SMCP: variants seen among roughly 807,000 people sequenced by gnomAD.
The protein encoded by SMCP is sperm mitochondrial-associated cysteine-rich protein.
For missense variants in SMCP, 137 were observed against 137.1 expected, an observed-to-expected ratio of 1.00 and a Z score of 0.01; for synonymous variants, 41 against 46.9, an observed-to-expected ratio of 0.87 and a Z score of 0.51.
At chr1:152,884,303 C>A (rs1649143627) in intron 1 of SMCP, 100 bp from the exon 2 acceptor site, 6 of 1,052,206 alleles carry the variant, frequency 5.7e-6, no homozygotes, top group Non-Finnish European at 8.3e-6. Flanking sequence ...TGGTCTGAGT[C>A]ATTATCCTGA....
intron 1 of SMCP, among the ~76,000 whole-genome samples, chr1:152,879,222 C>G (rs73006590): frequency 1.3e-5 from 2 of 151,948 alleles, no homozygotes; most frequent in African/African-American, 2.4e-5. Flanking sequence ...TTGTTTGTTT[C>G]TTTTTATTTA....
In SMCP at chr1:152,884,627, G is replaced by A. The variant is rs1293009672; in HGVS notation, c.205G>A (p.Ala69Thr). ...CQPKPPCCIQ[A>T]RCCGLETKPE... ...GCCAAAACCCCCATGCTGCATTCAG[G>A]CCAGGTGCTGTGGTTTGGAGACCAA... The change falls in exon 2 of 2, where the codon GCC (alanine) becomes ACC (threonine). Residue 69 changes from alanine to threonine, a missense_variant. By Grantham distance (58) the Ala-to-Thr change is moderately conservative. Transcript: ENST00000368765. The A allele has an allele frequency of 6.2e-7, 1 of 1,613,974 alleles. No individual in the cohort carries two copies. The highest frequency in any genetic ancestry group is 1.7e-5 in the Admixed American group (1 of 59,994).
In SMCP at chr1:152,884,404, AC is replaced by A; in HGVS notation, c.-17del. 1 of 1,612,210 alleles carries A rather than the reference AC, an allele frequency of 6.2e-7. No individual in the cohort carries two copies. Among genetic ancestry groups the A allele is most frequent in the South Asian group, 1.1e-5 (1 of 90,972 alleles). On this transcript the variant is annotated splice_region_variant and 5_prime_UTR_variant, in exon 2 of 2. Transcript: ENST00000368765. Reference sequence around the variant, plus strand: ...GAGAATATTATTTTCTTTTTCTAGTACCTCCAAGTGTTCAGAAGATGTGTGA... The same window carrying A: ...GAGAATATTATTTTCTTTTTCTAGTACTCCAAGTGTTCAGAAGATGTGTGA...
Position 152,884,501 on chromosome 1 carries a change from T to G in SMCP, c.79T>G (p.Cys27Gly). 6.2e-7 allele frequency: 1 copy of G among 1,613,956 alleles called. No individual in the cohort carries two copies. Among genetic ancestry groups the G allele is most frequent in the Non-Finnish European group, 8.5e-7 (1 of 1,179,904 alleles). Residue 27 changes from cysteine to glycine, a missense_variant, in exon 2 of 2, where the codon TGC becomes GGC. Cys to Gly is a radical substitution (Grantham distance 159, BLOSUM62 -3). Transcript: ENST00000368765. Reference sequence around the variant, plus strand: ...CTGCCCACCACAGCAGAACCAGTGCTGCCAGTCAAAAGGCAATCAATGCTG... The same window carrying G: ...CTGCCCACCACAGCAGAACCAGTGCGGCCAGTCAAAAGGCAATCAATGCTG... ...QCCPPQQNQC[C>G]QSKGNQCCPP...
In SMCP at chr1:152,884,729, C is replaced by T. The variant is rs1410612292; in HGVS notation, c.307C>T (p.Gln103Ter). The stretch of plus-strand genomic sequence containing the variant: ...TCAGGACAAGGGCTGTCAAACCCAG[C>T]AGCAGCCCCATAGCCCACAAAATGA... ...QTQDKGCQTQ[Q>*]QPHSPQNESR... Residue 103 changes from glutamine to a stop codon, truncating the protein, a stop_gained, in exon 2 of 2, where the codon CAG becomes TAG. Coordinates refer to ENST00000368765, the MANE Select transcript of SMCP (RefSeq NM_030663.3). LOFTEE classifies it low-confidence loss of function (END_TRUNC). 1.9e-6 allele frequency: 3 copies of T among 1,614,216 alleles called. No homozygotes were observed. Among genetic ancestry groups the T allele is most frequent in the Non-Finnish European group, 2.5e-6 (3 of 1,180,040 alleles).
At chr1:152,882,463 A>G (rs1027491855) in intron 1 of SMCP, among the ~76,000 whole-genome samples, 3 of 152,158 alleles carry the variant, frequency 2.0e-5, no homozygotes, top group Admixed American at 2.0e-4. Context: ...GCAAGTAGGG[A>G]GCACCCAGCA....
intron 1 of SMCP, 128 bp from the exon 2 acceptor site, chr1:152,884,275 G>C (rs1045148809): frequency 3.7e-6 from 3 of 821,340 alleles, no homozygotes; most frequent in Admixed American, 2.7e-5. Context: ...GAGGGATCCA[G>C]CTCTGCTTTC....
chr1:152,884,973 A>T lies in SMCP; in HGVS notation c.*200A>T. 1.7e-6 allele frequency: 1 copy of T among 600,334 alleles called. No homozygotes were observed. Among genetic ancestry groups the T allele is most frequent in the South Asian group, 2.3e-5 (1 of 43,738 alleles). 37.2% of individuals were successfully genotyped at this position (600,334 alleles called of 1,614,324 possible). ...GAGGCCTCCATCTGGAAATGGGAGG[A>T]TGAAGAGGCTAGAATCATCTTTCCT... On this transcript the variant is annotated 3_prime_UTR_variant, in exon 2 of 2. Coordinates refer to ENST00000368765, the MANE Select transcript of SMCP (RefSeq NM_030663.3).
At position 152,884,597 on chromosome 1, in the gene SMCP, T is replaced by G. The variant is rs1307478178; in HGVS notation, c.175T>G (p.Cys59Gly). ...QCCPPKHNHCCQPKPPCCIQA... is the reference protein window; with the variant it reads ...QCCPPKHNHCGQPKPPCCIQA... ...CTGCCCACCAAAACACAATCACTGC[T>G]GCCAGCCAAAACCCCCATGCTGCAT... Residue 59 changes from cysteine to glycine, a missense_variant, in exon 2 of 2, where the codon TGC (cysteine) becomes GGC (glycine). Cys to Gly is a radical substitution (Grantham distance 159). Transcript: ENST00000368765. 6.2e-7 allele frequency: 1 copy of G among 1,613,984 alleles called. No homozygotes were observed. Among genetic ancestry groups the G allele is most frequent in the Non-Finnish European group, 8.5e-7 (1 of 1,180,032 alleles).
intron 1 of SMCP, among the ~76,000 whole-genome samples, chr1:152,881,620 G>C (rs578215847): frequency 1.3e-5 from 2 of 150,370 alleles, no homozygotes; most frequent in Non-Finnish European, 2.9e-5. Flanking sequence ...CCCGGGAAGC[G>C]GAGCTTGCAG....
intron 1 of SMCP, among the ~76,000 whole-genome samples, chr1:152,881,092 C>T (rs982402338): frequency 7.4e-6 from 1 of 134,760 alleles, no homozygotes; most frequent in African/African-American, 2.8e-5. Context: ...GTTACTGTTT[C>T]TAGTGGGTGG....
intron 1 of SMCP, among the ~76,000 whole-genome samples, chr1:152,879,005 G>A (rs1244943397): frequency 2.0e-5 from 3 of 152,180 alleles, no homozygotes; most frequent in African/African-American, 7.2e-5. Flanking sequence ...GGGCCTGTGG[G>A]CAGAGGGAGA....
intron 1 of SMCP, among the ~76,000 whole-genome samples, chr1:152,880,261 A>C (rs1239562343): frequency 6.6e-6 from 1 of 152,176 alleles, no homozygotes; most frequent in African/African-American, 2.4e-5. Context: ...AGATTCAAAC[A>C]ACAAGGAGAT....
chr1:152,883,757 C>T (rs557168615), intron 1 of SMCP, among the ~76,000 whole-genome samples: 2 of 152,280 alleles, frequency 1.3e-5, no homozygotes, highest in South Asian at 4.1e-4. Context: ...CAAGTCCTGC[C>T]ATGCCAAGAG....
At chr1:152,882,830 G>A (rs1244275469) in intron 1 of SMCP, among the ~76,000 whole-genome samples, 2 of 152,188 alleles carry the variant, frequency 1.3e-5, no homozygotes, top group Non-Finnish European at 2.9e-5. Flanking sequence ...GATCACCAGA[G>A]GTCAGGAGTT....
At chr1:152,878,943 T>C (rs1246036861) in intron 1 of SMCP, among the ~76,000 whole-genome samples, 1 of 152,182 alleles carries the variant, frequency 6.6e-6, no homozygotes, top group Non-Finnish European at 1.5e-5. Flanking sequence ...TCAGCAGGTG[T>C]CTGCTCTGAG....
Position 152,884,664 on chromosome 1 carries a change from C to T in SMCP, c.242C>T (p.Ser81Leu). 6.2e-7 allele frequency: 1 copy of T among 1,614,216 alleles called. No individual in the cohort carries two copies. Among genetic ancestry groups the T allele is most frequent in the East Asian group, 2.2e-5 (1 of 44,888 alleles). Residue 81 changes from serine to leucine, a missense_variant, in exon 2 of 2, where the codon TCA becomes TTA. Transcript: ENST00000368765. ...GGTTTGGAGACCAAGCCTGAAGTCTCACCCCTTAACATGGAGTCTGAGCCC... is the reference window on the plus strand; with the variant it reads ...GGTTTGGAGACCAAGCCTGAAGTCTTACCCCTTAACATGGAGTCTGAGCCC... ...CCGLETKPEV[S>L]PLNMESEPNS...
intron 1 of SMCP, among the ~76,000 whole-genome samples, chr1:152,881,498 C>T (rs377202225): frequency 7.9e-5 from 12 of 151,606 alleles, no homozygotes; most frequent in African/African-American, 2.4e-4. Flanking sequence ...ACCATCCTGG[C>T]TAACAAGGTG....
chr1:152,880,880 C>T (rs1649008830), intron 1 of SMCP, among the ~76,000 whole-genome samples: 1 of 100,620 alleles, frequency 9.9e-6, no homozygotes, highest in African/African-American at 3.8e-5. Context: ...GTGGCAGGGC[C>T]TTAAGAGATA....
Sources: allele counts gnomAD v4.1 joint callset (sites outside exome capture counted in the v4.1 genomes callset), GRCh38; gene constraint gnomAD v4.1.1; transcripts MANE v1.5; gene names NCBI Gene and HGNC (gene_info 2026-07-23, HGNC 2026-07-21).